PCDHA8: variants seen among roughly 807,000 people sequenced by gnomAD.
PCDHA8 encodes the protein protocadherin alpha 8, also known as protocadherin alpha-8.
In PCDHA8, 53 loss-of-function variants were observed where a neutral mutation model predicts 61.8. The ratio of observed to expected loss-of-function variants is 0.86; its 90% confidence interval spans 0.69 to 1.08. PCDHA8 has a LOEUF of 1.08. Ranked by LOEUF, PCDHA8 falls within the 50% of genes least tolerant of loss-of-function variation. The pLI is 0.00. For synonymous variants in PCDHA8, 618 were observed against 556.6 expected (o/e 1.11, Z -1.55); for missense variants, 1,293 against 1,245.0 (o/e 1.04, Z -0.58).
chr5:140,944,689 A>T (rs1360975363), intron 1 of PCDHA8, among the ~76,000 whole-genome samples: 1 of 152,226 alleles, frequency 6.6e-6, no homozygotes, highest in Non-Finnish European at 1.5e-5. Context: ...TCCTATTAAT[A>T]ACAGTAATTA....
At chr5:140,985,739 CTTTTTTTTTT>C (rs11372071) in intron 3 of PCDHA8, among the ~76,000 whole-genome samples, 1 of 117,922 alleles carries the variant, frequency 8.5e-6, no homozygotes, top group African/African-American at 3.2e-5. Context: ...TGATGAATTC[CTTTTTTTTTT>C]TTTTTTTTTT....
At chr5:140,874,492 C>G (rs1289000541) in intron 1 of PCDHA8, among the ~76,000 whole-genome samples, 2 of 152,196 alleles carry the variant, frequency 1.3e-5, no homozygotes, top group Non-Finnish European at 2.9e-5. Context: ...AGGTTGATAT[C>G]AAGTTCACAT....
intron 1 of PCDHA8, among the ~76,000 whole-genome samples, chr5:140,936,457 TG>T (rs782214118): frequency 2.2e-4 from 34 of 152,232 alleles, no homozygotes; most frequent in Non-Finnish European, 4.6e-4. Flanking sequence ...ATCTGTTTAG[TG>T]GTTGCTGTAG....
chr5:140,908,492 T>G (rs1241563422), intron 1 of PCDHA8, among the ~76,000 whole-genome samples: 3 of 152,226 alleles, frequency 2.0e-5, no homozygotes, highest in African/African-American at 7.2e-5. Context: ...CAGTTCAGGT[T>G]GCTTGGTGAC....
At chr5:140,998,721 C>G (rs987484967) in intron 3 of PCDHA8, among the ~76,000 whole-genome samples, 1 of 152,084 alleles carries the variant, frequency 6.6e-6, no homozygotes, top group Non-Finnish European at 1.5e-5. Context: ...TGCACCACCA[C>G]GCTAGGCTAA....
At chr5:140,849,237 A>G (rs1450217299) in intron 1 of PCDHA8, 1 of 1,052,122 alleles carries the variant, frequency 9.5e-7, no homozygotes, top group Non-Finnish European at 1.3e-6. Flanking sequence ...AACCCTGTAT[A>G]CGGTGAAATT....
At chr5:140,875,647 C>T (rs1554167823) in intron 1 of PCDHA8, 1 of 1,613,694 alleles carries the variant, frequency 6.2e-7, no homozygotes, top group Non-Finnish European at 8.5e-7. Context: ...GCTGGCGGAG[C>T]TGGTGCCGCG....
chr5:140,925,124 A>AGGAAGGAAGG (rs1554202565), intron 1 of PCDHA8, among the ~76,000 whole-genome samples: 1 of 151,854 alleles, frequency 6.6e-6, no homozygotes. Flanking sequence ...GAAGGAAGGA[A>AGGAAGGAAGG]AAAAAATTTC....
At chr5:140,967,784 C>T in intron 1 of PCDHA8, 3 of 1,614,174 alleles carry the variant, frequency 1.9e-6, no homozygotes, top group South Asian at 1.1e-5. Context: ...GGCGACTGAC[C>T]GGGGTCCAGT....
intron 1 of PCDHA8, chr5:140,883,426 C>T: frequency 6.2e-7 from 1 of 1,614,196 alleles, no homozygotes; most frequent in Non-Finnish European, 8.5e-7. Context: ...GACAGGTCAC[C>T]TGCACCTTGA....
chr5:140,908,308 G>A (rs1011025623), intron 1 of PCDHA8, among the ~76,000 whole-genome samples: 19 of 152,170 alleles, frequency 1.2e-4, no homozygotes, highest in African/African-American at 4.6e-4. Context: ...AAGGAAGGGC[G>A]GCAGGAGTGG....
At chr5:140,915,572 C>A (rs2077180575) in intron 1 of PCDHA8, among the ~76,000 whole-genome samples, 1 of 151,988 alleles carries the variant, frequency 6.6e-6, no homozygotes, top group Non-Finnish European at 1.5e-5. Flanking sequence ...ATCTGGATTG[C>A]CAGGCAAAAG....
chr5:141,005,451 C>G (rs1263058026), intron 3 of PCDHA8, among the ~76,000 whole-genome samples: 1 of 151,986 alleles, frequency 6.6e-6, no homozygotes, highest in Non-Finnish European at 1.5e-5. Flanking sequence ...CGCCTGTAAT[C>G]CCAGCACTTT....
rs782212623 is a variant in PCDHA8 at position 140,927,250 on chromosome 5, A to G, written c.2395-51699A>G. On this transcript the variant is annotated intron_variant, in intron 1 of 3. Coordinates refer to ENST00000531613, the MANE Select transcript of PCDHA8 (RefSeq NM_018911.3). ...GATTCACGTCCTGGACACCAATGACAACTCACCTCTCTTTCCTGCCGGCGA... is the reference window on the plus strand; with the variant it reads ...GATTCACGTCCTGGACACCAATGACGACTCACCTCTCTTTCCTGCCGGCGA... 1.9e-6 allele frequency: 3 copies of G among 1,614,046 alleles called. 1 individual carries two copies. The highest frequency in any genetic ancestry group is 2.5e-6 in the Non-Finnish European group (3 of 1,180,004).
chr5:140,969,401 T>A, intron 1 of PCDHA8: 1 of 1,579,566 alleles, frequency 6.3e-7, no homozygotes, highest in Non-Finnish European at 8.6e-7. Flanking sequence ...ATCCTGTGAT[T>A]TGGCTTTATT....
At chr5:140,843,750 A>G (rs2150366095) in intron 1 of PCDHA8, 35 bp downstream of exon 1, 5 of 1,520,464 alleles carry the variant, frequency 3.3e-6, no homozygotes, top group South Asian at 1.2e-5. Context: ...CATAAATTCT[A>G]TTTGTGGAAA....
At chr5:140,948,543 T>C (rs1226242016) in intron 1 of PCDHA8, among the ~76,000 whole-genome samples, 2 of 151,702 alleles carry the variant, frequency 1.3e-5, no homozygotes, top group Non-Finnish European at 3.0e-5. Flanking sequence ...TTTCATGCTC[T>C]GTCAATTTTG....
At chr5:140,858,079 C>T in intron 1 of PCDHA8, 5 of 1,597,852 alleles carry the variant, frequency 3.1e-6, no homozygotes, top group Non-Finnish European at 4.3e-6. Context: ...CACCCAAGGC[C>T]TCGTCGCGGG....
At chr5:140,879,672 G>C (rs1256239319) in intron 1 of PCDHA8, among the ~76,000 whole-genome samples, 1 of 152,160 alleles carries the variant, frequency 6.6e-6, no homozygotes, top group East Asian at 1.9e-4. Flanking sequence ...ACACAAACTG[G>C]GTGCTGTAAA....
Sources: allele counts gnomAD v4.1 joint callset (sites outside exome capture counted in the v4.1 genomes callset), GRCh38; gene constraint gnomAD v4.1.1; transcripts MANE v1.5; gene names NCBI Gene and HGNC (gene_info 2026-07-23, HGNC 2026-07-21).